VGLL4: variants seen among roughly 807,000 people sequenced by gnomAD.
The protein encoded by VGLL4 is vestigial like family member 4.
Under a neutral mutation model 21.0 loss-of-function variants are expected in VGLL4, and 7 were observed. That is an observed-to-expected ratio of 0.33 (90% CI 0.19 to 0.63). The LOEUF (loss-of-function observed/expected upper bound fraction) is 0.63, where lower values mean the gene tolerates loss of function less well. VGLL4 is among the 20% of genes least tolerant of loss of function. The probability of loss-of-function intolerance (pLI) is 0.78; values close to 1 mark genes in which losing one functional copy is unlikely to be tolerated. For missense variants in VGLL4, 394 were observed against 425.7 expected (o/e 0.93, Z 0.66); for synonymous variants, 222 against 173.2 (o/e 1.28, Z -2.21).
chr3:11,703,018 T>C (rs2076705108), exon 2 of VGLL4: 1 of 1,612,856 alleles, frequency 6.2e-7, no homozygotes, highest in Non-Finnish European at 8.5e-7. Context: ...GGACAAAACA[T>C]CCAATGGCGT....
rs147132201 is a variant in VGLL4, at chr3:11,657,674, G to C, written c.64+45297C>G. Among the ~76,000 whole-genome samples the C allele has an allele frequency of 6.9e-3, 1,043 of 152,226 alleles. 6 individuals carry two copies. Among genetic ancestry groups the C allele is most frequent in the South Asian group, 0.035 (170 of 4,822 alleles). On this transcript the variant is annotated intron_variant, in intron 2 of 5. Transcript: ENST00000273038. ...GCTGTCACTAGTTCTAGGTGAGTCT[G>C]GCTACTAGAGGGTTAAGGAGACTAA...
chr3:11,664,047 T>C (rs1397408911), intron 2 of VGLL4, among the ~76,000 whole-genome samples: 1 of 151,774 alleles, frequency 6.6e-6, no homozygotes, highest in Non-Finnish European at 1.5e-5. Flanking sequence ...AGGTAAGGAG[T>C]TCCAGACCAG....
chr3:11,561,496 T>C (rs967815664), intron 3 of VGLL4, among the ~76,000 whole-genome samples: 2 of 152,146 alleles, frequency 1.3e-5, no homozygotes, highest in Non-Finnish European at 2.9e-5. Context: ...CAACCCAGGC[T>C]GCAGGGTGGC....
At chr3:11,715,904 T>C (rs1172884189) in intron 1 of VGLL4, among the ~76,000 whole-genome samples, 1 of 152,160 alleles carries the variant, frequency 6.6e-6, no homozygotes, top group Non-Finnish European at 1.5e-5. Flanking sequence ...CTAACATGTA[T>C]ATTTTCTCCA....
chr3:11,576,997 C>T (rs2074070863), intron 2 of VGLL4, among the ~76,000 whole-genome samples: 1 of 152,148 alleles, frequency 6.6e-6, no homozygotes, highest in African/African-American at 2.4e-5. Flanking sequence ...ATGAATGAGC[C>T]AACCGAAAAC....
rs192613590 is a variant in VGLL4, at chr3:11,565,645, G to A, written c.273-626C>T. 1.9e-3 allele frequency among the ~76,000 whole-genome samples: 288 copies of A among 152,320 alleles called. 1 individual carries two copies. Among genetic ancestry groups the A allele is most frequent in the South Asian group, 4.6e-3 (22 of 4,830 alleles). ...TCCCGGGGTGCTGTAGGGAGCCGGC[G>A]CGCAGCTCTCTCGTCCAGGACACAC... On this transcript the variant is annotated intron_variant, in intron 2 of 4. Transcript: ENST00000430365. This position sits in a 1 kb window ranked among gnomAD's most constrained non-coding sequence, Gnocchi z 4.1.
At chr3:11,616,780 G>C (rs916332589) in intron 1 of VGLL4, among the ~76,000 whole-genome samples, 25 of 152,236 alleles carry the variant, frequency 1.6e-4, no homozygotes, top group Admixed American at 1.3e-3. Flanking sequence ...AGGAACTAAG[G>C]AAAACACACA....
intron 1 of VGLL4, among the ~76,000 whole-genome samples, chr3:11,607,687 A>T (rs1365362128): frequency 6.6e-6 from 1 of 152,174 alleles, no homozygotes; most frequent in Non-Finnish European, 1.5e-5. Context: ...TTTTTCTCTC[A>T]GGCTTTTCAC....
chr3:11,676,159 G>A (rs1449057461), intron 2 of VGLL4, among the ~76,000 whole-genome samples: 7 of 152,146 alleles, frequency 4.6e-5, no homozygotes, highest in East Asian at 1.9e-4. Context: ...AGGCTGAGGC[G>A]TGTGGATCAC....
intron 1 of VGLL4, among the ~76,000 whole-genome samples, chr3:11,622,132 T>C (rs1340430559): frequency 6.6e-6 from 1 of 152,202 alleles, no homozygotes; most frequent in Non-Finnish European, 1.5e-5. Flanking sequence ...ACCTACAGCC[T>C]TCAGAGGTAC....
chr3:11,688,211 C>T (rs1426168461), intron 2 of VGLL4, among the ~76,000 whole-genome samples: 1 of 152,088 alleles, frequency 6.6e-6, no homozygotes, highest in African/African-American at 2.4e-5. Flanking sequence ...TAACTTTGTA[C>T]TCTCATATCT....
At position 11,556,614 on chromosome 3, in the gene VGLL4, C is replaced by CT. The variant is rs201810263; in HGVS notation, c.*1941dup. 2,630 of 152,046 alleles carry CT rather than the reference C, an allele frequency of 0.017. 70 individuals carry two copies. Among genetic ancestry groups the CT allele is most frequent in the African/African-American group, 0.059 (2,430 of 41,288 alleles). The allele number at this position is 152,046 out of a possible 1,614,324, so 9.4% of individuals were successfully genotyped here. ...AATCTACGACAAAAAAAAAGATCAACTTTTTTTTTCCGAACAACAAAAAAA... is the reference window on the plus strand; with the variant it reads ...AATCTACGACAAAAAAAAAGATCAACTTTTTTTTTTCCGAACAACAAAAAAA... On this transcript the variant is annotated 3_prime_UTR_variant, in exon 5 of 5. Coordinates refer to ENST00000430365, the MANE Select transcript of VGLL4 (RefSeq NM_001128219.3).
chr3:11,576,585 C>G (rs953255882), intron 2 of VGLL4, among the ~76,000 whole-genome samples: 4 of 152,238 alleles, frequency 2.6e-5, no homozygotes, highest in Admixed American at 6.5e-5. Flanking sequence ...GGCATCCTGC[C>G]TTGCCATCCT....
chr3:11,629,113 G>T (rs73127140), intron 1 of VGLL4, among the ~76,000 whole-genome samples: 3,212 of 152,182 alleles, frequency 0.021, 98 homozygotes, highest in African/African-American at 0.072. Context: ...TCACAATACT[G>T]AATGAAATAA....
At chr3:11,721,503 G>A (rs541308592), upstream of VGLL4, among the ~76,000 whole-genome samples, 30 of 152,302 alleles carry the variant, frequency 2.0e-4, no homozygotes, top group African/African-American at 6.5e-4. Context: ...CCTGATTCCT[G>A]GATAAATATT....
intron 1 of VGLL4, among the ~76,000 whole-genome samples, chr3:11,704,123 G>A (rs918932804): frequency 2.0e-5 from 3 of 152,176 alleles, no homozygotes; most frequent in Non-Finnish European, 4.4e-5. Flanking sequence ...GCTCACGCCT[G>A]TAATCCCAGC....
At chr3:11,623,855 C>G (rs1053667685) in intron 1 of VGLL4, among the ~76,000 whole-genome samples, 12 of 151,998 alleles carry the variant, frequency 7.9e-5, no homozygotes, top group Admixed American at 5.9e-4. Context: ...ATCCTCCCAC[C>G]TCAACCTCCC....
rs1051395863 is a variant in VGLL4, at chr3:11,705,951, G to GGGGTA, written c.-13-2909_-13-2905dup. On this transcript the variant is annotated intron_variant, in intron 1 of 5. Coordinates refer to the VGLL4 transcript ENST00000273038. ...AAAAAAAAAAAAGATCTTGTGATTT[G>GGGGTA]GGGTAGTAACTGCTGATAAGCATCC... 3.9e-5 allele frequency among the ~76,000 whole-genome samples: 6 copies of GGGGTA among 152,072 alleles called. No homozygotes were observed. The East Asian group carries it at 9.6e-4, about 24-fold the overall frequency.
intron 2 of VGLL4, among the ~76,000 whole-genome samples, chr3:11,572,433 G>A (rs1470435424): frequency 6.6e-6 from 1 of 152,198 alleles, no homozygotes; most frequent in Non-Finnish European, 1.5e-5. Context: ...AAATGAAAAT[G>A]TGCTCTCATA....
Sources: gnomAD v4.1 joint callset for allele counts (sites outside exome capture counted in the v4.1 genomes callset) on GRCh38, gnomAD v4.1.1 for gene constraint, Gnocchi (gnomAD v3.1) non-coding constraint, MANE v1.5 for transcripts, NCBI Gene and HGNC (gene_info 2026-07-23, HGNC 2026-07-21) for gene names.